FRAS1: variants seen among roughly 807,000 people sequenced by gnomAD.
FRAS1 encodes Fraser extracellular matrix complex subunit 1, also known as extracellular matrix organizing protein FRAS1.
FRAS1 carries 290 observed loss-of-function variants against 435.2 expected under a neutral mutation model. That is an observed-to-expected ratio of 0.67 (90% CI 0.61 to 0.73). The LOEUF (loss-of-function observed/expected upper bound fraction) is 0.73, where lower values mean the gene tolerates loss of function less well. FRAS1 is among the 30% of genes least tolerant of loss of function. The pLI is 0.00. For missense variants in FRAS1, 4,860 were observed against 5,001.5 expected (o/e 0.97, Z 0.85); for synonymous variants, 1,800 against 1,851.0 (o/e 0.97, Z 0.71).
rs564985967 is a variant in FRAS1, at chr4:78,365,751, C to CA, written c.2722+1709dup. 7.5e-4 allele frequency among the ~76,000 whole-genome samples: 98 copies of CA among 130,950 alleles called. 1 individual carries two copies. The highest frequency in any genetic ancestry group is 2.7e-3 in the South Asian group (11 of 4,068). The allele number at this position is 130,950 out of a possible 152,430, so 85.9% of individuals were successfully genotyped here. On this transcript the variant is annotated intron_variant, in intron 22 of 73. Coordinates refer to ENST00000512123, the MANE Select transcript of FRAS1 (RefSeq NM_025074.7). ...TTCTAGTACATTAAAAAAAAAAAAA[C>CA]AAAAAAAAAAAACAGCCTGACCAAC...
chr4:78,216,178 T>C (rs1723759901), intron 2 of FRAS1, among the ~76,000 whole-genome samples: 1 of 152,254 alleles, frequency 6.6e-6, no homozygotes, highest in Non-Finnish European at 1.5e-5. Context: ...TAAAATTAAA[T>C]GGAAGGGAAA....
rs191331058 is a variant in FRAS1, at chr4:78,075,937, G to C, written c.108+9921G>C. On this transcript the variant is annotated intron_variant, in intron 2 of 73. Coordinates refer to ENST00000512123, the MANE Select transcript of FRAS1 (RefSeq NM_025074.7). Reference sequence around the variant, plus strand: ...ACTGAGAAGGGATTTTAAAACTCCAGATCACATAGGGCCTGGAATAAGGCA... The same window carrying C: ...ACTGAGAAGGGATTTTAAAACTCCACATCACATAGGGCCTGGAATAAGGCA... 3.7e-4 allele frequency among the ~76,000 whole-genome samples: 57 copies of C among 152,284 alleles called. No homozygotes were observed. The South Asian group carries it at 8.3e-3, about 22-fold the overall frequency.
At chr4:78,121,006 G>A (rs1048225093) in intron 2 of FRAS1, among the ~76,000 whole-genome samples, 1 of 152,186 alleles carries the variant, frequency 6.6e-6, no homozygotes, top group African/African-American at 2.4e-5. Flanking sequence ...GAGAGCCAGA[G>A]ATCTTTAGGT....
chr4:78,118,527 C>T (rs945244673), intron 2 of FRAS1, among the ~76,000 whole-genome samples: 1 of 152,314 alleles, frequency 6.6e-6, no homozygotes, highest in Admixed American at 6.5e-5. Flanking sequence ...GGTGGGCACC[C>T]CTCCCCCAGC....
At chr4:78,348,000 C>T (rs1158062576) in intron 20 of FRAS1, among the ~76,000 whole-genome samples, 1 of 7,152 alleles carries the variant, frequency 1.4e-4, no homozygotes, top group Non-Finnish European at 3.1e-4. Context: ...CCAAGATGGC[C>T]GAATAGGAAC....
At chr4:78,307,144 C>T (rs1001871368) in intron 14 of FRAS1, among the ~76,000 whole-genome samples, 1 of 152,148 alleles carries the variant, frequency 6.6e-6, no homozygotes, top group Non-Finnish European at 1.5e-5. Context: ...TCAGTCTGCC[C>T]CTGCTGGGGG....
At chr4:78,336,029 C>T (rs1320378301) in intron 19 of FRAS1, among the ~76,000 whole-genome samples, 2 of 151,252 alleles carry the variant, frequency 1.3e-5, no homozygotes, top group Admixed American at 6.6e-5. Flanking sequence ...AATTATATTA[C>T]ATGAATTTCT....
In FRAS1 at chr4:78,479,624, A is replaced by C; in HGVS notation, c.8349A>C (p.Gly2783=). The C allele has an allele frequency of 1.2e-6, 2 of 1,613,868 alleles. No individual in the cohort carries two copies. Among genetic ancestry groups the C allele is most frequent in the Non-Finnish European group, 1.7e-6 (2 of 1,179,792 alleles). ...ATGCCTCTGACAATGCCCGCATTGG[A>C]AGGGTGGCGACAGCCAAGGTGCTCA... ...LADASDNARI[G]RVATAKVLIS... The change falls in exon 56 of 74, where the codon GGA becomes GGC. Residue 2783 remains glycine, a synonymous_variant. Transcript: ENST00000512123.
chr4:78,518,651 C>G (rs1721293505), intron 66 of FRAS1, among the ~76,000 whole-genome samples: 1 of 152,056 alleles, frequency 6.6e-6, no homozygotes, highest in South Asian at 2.1e-4. Context: ...GGAACACAAA[C>G]TTCCTTAGAA....
chr4:78,133,531 G>A (rs1719778037), intron 2 of FRAS1, among the ~76,000 whole-genome samples: 1 of 151,992 alleles, frequency 6.6e-6, no homozygotes, highest in African/African-American at 2.4e-5. Flanking sequence ...AAATTAGATT[G>A]TGTGTAATAT....
chr4:78,114,834 C>T lies in FRAS1; in HGVS notation c.108+48818C>T, dbSNP rs180898160. ...AAAATCCCTTATTTCCTTCTCCTGC[C>T]TGATTGCCCTGGCCAGAACTTCCAA... On this transcript the variant is annotated intron_variant, in intron 2 of 73. Coordinates refer to ENST00000512123, the MANE Select transcript of FRAS1 (RefSeq NM_025074.7). Among the ~76,000 whole-genome samples, 58 of 152,322 alleles carry T rather than the reference C, an allele frequency of 3.8e-4. No homozygotes were observed. The East Asian group carries it at 9.4e-3, about 25-fold the overall frequency.
chr4:78,414,063 G>T (rs1733458512), intron 32 of FRAS1, among the ~76,000 whole-genome samples: 1 of 152,166 alleles, frequency 6.6e-6, no homozygotes, highest in African/African-American at 2.4e-5. Flanking sequence ...TATAGTTTTA[G>T]AAATTATGGG....
chr4:78,461,890 T>A (rs1348895281), intron 47 of FRAS1, among the ~76,000 whole-genome samples: 1 of 152,070 alleles, frequency 6.6e-6, no homozygotes, highest in African/African-American at 2.4e-5. Flanking sequence ...TATTAAAAAG[T>A]AGAGAAAATG....
chr4:78,477,001 A>C (rs971810993), intron 54 of FRAS1, among the ~76,000 whole-genome samples: 2 of 151,880 alleles, frequency 1.3e-5, no homozygotes, highest in Non-Finnish European at 2.9e-5. Flanking sequence ...AAAAAAAAAA[A>C]AAACAAAGTA....
intron 2 of FRAS1, among the ~76,000 whole-genome samples, chr4:78,220,202 T>C (rs1723991235): frequency 6.6e-6 from 1 of 152,258 alleles, no homozygotes; most frequent in South Asian, 2.1e-4. Flanking sequence ...TTCTGCTTTT[T>C]CTGATGCAGT....
intron 4 of FRAS1, among the ~76,000 whole-genome samples, chr4:78,251,981 A>G (rs1055021679): frequency 6.6e-6 from 1 of 152,212 alleles, no homozygotes; most frequent in Non-Finnish European, 1.5e-5. Context: ...CAGGATAAAA[A>G]GTAAAGTCAA....
intron 2 of FRAS1, among the ~76,000 whole-genome samples, chr4:78,227,594 C>G (rs1490766439): frequency 6.6e-6 from 1 of 152,164 alleles, no homozygotes; most frequent in African/African-American, 2.4e-5. Context: ...GTTTAAATGG[C>G]CAAGGGGCTG....
chr4:78,412,286 T>C (rs1247128690), intron 31 of FRAS1, among the ~76,000 whole-genome samples: 8 of 152,238 alleles, frequency 5.3e-5, no homozygotes, highest in Admixed American at 2.6e-4. Context: ...ATGTCACACA[T>C]GGCTTAGCAA....
chr4:78,195,540 C>T (rs973746377), intron 2 of FRAS1, among the ~76,000 whole-genome samples: 1 of 152,244 alleles, frequency 6.6e-6, no homozygotes, highest in African/African-American at 2.4e-5. Flanking sequence ...TAGCAATGAG[C>T]AAGGCTCTGT....
Sources: gnomAD v4.1 joint callset for allele counts (sites outside exome capture counted in the v4.1 genomes callset) on GRCh38, gnomAD v4.1.1 for gene constraint, MANE v1.5 for transcripts, NCBI Gene and HGNC (gene_info 2026-07-23, HGNC 2026-07-21) for gene names.